RBFOX1: variants seen among roughly 807,000 people sequenced by gnomAD.
RBFOX1 encodes RNA binding fox-1 homolog 1, also known as RNA binding protein fox-1 homolog 1.
RBFOX1 carries 8 observed loss-of-function variants against 57.7 expected under a neutral mutation model. The observed-to-expected ratio is 0.14, with a 90% CI of 0.08 to 0.25. The LOEUF (loss-of-function observed/expected upper bound fraction) is 0.25. RBFOX1 is among the 10% of genes least tolerant of loss of function. The pLI is 1.00. For missense variants in RBFOX1, 611 were observed against 548.5 expected (o/e 1.11, Z -1.14); for synonymous variants, 326 against 222.4 (o/e 1.47, Z -4.15).
chr16:6,191,082 G>A (rs1336849581), intron 1 of RBFOX1, among the ~76,000 whole-genome samples: 2 of 150,932 alleles, frequency 1.3e-5, no homozygotes, highest in East Asian at 3.9e-4. Flanking sequence ...CAGTCCTGAA[G>A]CATCTTCTAG....
At chr16:5,330,065 T>A (rs1427201285) in intron 1 of RBFOX1, among the ~76,000 whole-genome samples, 1 of 152,110 alleles carries the variant, frequency 6.6e-6, no homozygotes, top group African/African-American at 2.4e-5. Context: ...AAGGGACCCG[T>A]GAACTCTCTG....
intron 1 of RBFOX1, among the ~76,000 whole-genome samples, chr16:5,397,973 A>G (rs1163696302): frequency 6.6e-6 from 1 of 152,180 alleles, no homozygotes; most frequent in Non-Finnish European, 1.5e-5. Flanking sequence ...CATGGAGCTC[A>G]TGGATTGGTG....
At chr16:7,398,295 C>G (rs183325045) in intron 4 of RBFOX1, among the ~76,000 whole-genome samples, 8 of 152,178 alleles carry the variant, frequency 5.3e-5, no homozygotes, top group African/African-American at 1.7e-4. Flanking sequence ...GTGACACTTA[C>G]AGGATGCTTA....
chr16:5,283,724 C>G (rs941514364), intron 1 of RBFOX1, among the ~76,000 whole-genome samples: 1 of 152,196 alleles, frequency 6.6e-6, no homozygotes, highest in Non-Finnish European at 1.5e-5. Flanking sequence ...TACCCAGTGC[C>G]TATACCCCCA....
At chr16:6,042,669 G>A (rs894033727) in intron 1 of RBFOX1, among the ~76,000 whole-genome samples, 1 of 152,144 alleles carries the variant, frequency 6.6e-6, no homozygotes, top group Non-Finnish European at 1.5e-5. Flanking sequence ...AACAGTCTCT[G>A]GTGGTCCTAA....
At chr16:6,401,951 T>C (rs1346726725) in intron 2 of RBFOX1, among the ~76,000 whole-genome samples, 1 of 151,864 alleles carries the variant, frequency 6.6e-6, no homozygotes, top group Non-Finnish European at 1.5e-5. Context: ...CCCAGGGAGA[T>C]TAAGATCGTA....
chr16:5,812,242 G>T (rs1205809313), intron 3 of RBFOX1, among the ~76,000 whole-genome samples: 3 of 152,132 alleles, frequency 2.0e-5, no homozygotes, highest in African/African-American at 7.2e-5. Flanking sequence ...AAATAATGCG[G>T]ATATGAACAG....
At chr16:6,769,609 C>A (rs1025286523) in intron 3 of RBFOX1, among the ~76,000 whole-genome samples, 1 of 152,204 alleles carries the variant, frequency 6.6e-6, no homozygotes, top group Non-Finnish European at 1.5e-5. Flanking sequence ...CAAGACTTCT[C>A]TATGGCATCT....
At chr16:7,540,632 TC>T (rs1283719497) in intron 5 of RBFOX1, among the ~76,000 whole-genome samples, 1 of 152,180 alleles carries the variant, frequency 6.6e-6, no homozygotes, top group Non-Finnish European at 1.5e-5. Context: ...ATAAAAGATG[TC>T]CGTAAACCTG....
intron 4 of RBFOX1, among the ~76,000 whole-genome samples, chr16:7,098,413 A>C (rs1024676179): frequency 2.0e-5 from 3 of 152,070 alleles, no homozygotes; most frequent in East Asian, 1.9e-4. Flanking sequence ...CAAGTGATCC[A>C]CCTGCCTAGG....
chr16:6,831,374 T>A (rs578018217), intron 3 of RBFOX1, among the ~76,000 whole-genome samples: 1 of 152,340 alleles, frequency 6.6e-6, no homozygotes, highest in African/African-American at 2.4e-5. Context: ...TTTTACTGAG[T>A]TAACATATTT....
intron 4 of RBFOX1, among the ~76,000 whole-genome samples, chr16:7,156,850 G>A (rs1030183223): frequency 2.0e-5 from 3 of 152,032 alleles, no homozygotes; most frequent in Non-Finnish European, 4.4e-5. Context: ...TTAATGGCTA[G>A]ATCGATTTAC....
chr16:7,421,657 G>T (rs529240626), intron 4 of RBFOX1, among the ~76,000 whole-genome samples: 19 of 152,370 alleles, frequency 1.2e-4, no homozygotes, highest in African/African-American at 3.6e-4. Flanking sequence ...GGCTTACTCA[G>T]TGCTTACTGT....
intron 3 of RBFOX1, among the ~76,000 whole-genome samples, chr16:5,612,656 G>A (rs1327788996): frequency 1.3e-5 from 2 of 152,246 alleles, no homozygotes; most frequent in African/African-American, 2.4e-5. Context: ...CGAGAATAGA[G>A]CATTCTAGAC....
chr16:6,913,350 C>T (rs1025725251), intron 3 of RBFOX1, among the ~76,000 whole-genome samples: 12 of 152,162 alleles, frequency 7.9e-5, no homozygotes, highest in African/African-American at 2.6e-4. Context: ...CCATTTTAAC[C>T]CCCTTATGAG....
chr16:6,364,067 G>T (rs1323281483), intron 2 of RBFOX1, among the ~76,000 whole-genome samples: 1 of 152,198 alleles, frequency 6.6e-6, no homozygotes, highest in Non-Finnish European at 1.5e-5. Flanking sequence ...ATGGCACAAA[G>T]CCATTGGAAG....
intron 13 of RBFOX1, among the ~76,000 whole-genome samples, 171 bp from the exon 14 acceptor site, chr16:7,676,603 C>T (rs2073350305): frequency 6.6e-6 from 1 of 152,126 alleles, no homozygotes; most frequent in Non-Finnish European, 1.5e-5. Flanking sequence ...GTATTCCACC[C>T]CTTGTTTCTC....
At chr16:7,710,013 T>C in intron 15 of RBFOX1, 5 of 1,009,306 alleles carry the variant, frequency 5.0e-6, no homozygotes, top group Non-Finnish European at 5.9e-6. Context: ...TGCCACCTTG[T>C]AGCCATTAAA....
At chr16:6,793,485 A>G (rs1051304646) in intron 3 of RBFOX1, among the ~76,000 whole-genome samples, 7 of 152,142 alleles carry the variant, frequency 4.6e-5, no homozygotes, top group Admixed American at 2.0e-4. Context: ...CATTGTTGGT[A>G]TTCCTGAGTG....
Sources: gnomAD v4.1 joint callset for allele counts (sites outside exome capture counted in the v4.1 genomes callset) on GRCh38, gnomAD v4.1.1 for gene constraint, MANE v1.5 for transcripts, NCBI Gene and HGNC (gene_info 2026-07-23, HGNC 2026-07-21) for gene names.